The following IMMP2L variants were observed in gnomAD, a reference collection of about 807,000 sequenced individuals.
IMMP2L encodes the protein mitochondrial inner membrane protease subunit 2.
Under a neutral mutation model 19.3 loss-of-function variants are expected in IMMP2L, and 18 were observed. The observed-to-expected ratio is 0.93, with a 90% CI of 0.64 to 1.38. IMMP2L has a LOEUF of 1.38. Among genes scored for constraint, IMMP2L ranks in the 40% most tolerant of loss-of-function variants. The pLI, the probability that IMMP2L is intolerant of heterozygous loss-of-function variation, is 0.00. For missense variants in IMMP2L, 233 were observed against 218.2 expected (o/e 1.07, Z -0.43); for synonymous variants, 76 against 73.0 (o/e 1.04, Z -0.21).
At chr7:111,018,332 A>C (rs113352239) in intron 3 of IMMP2L, among the ~76,000 whole-genome samples, 1 of 152,192 alleles carries the variant, frequency 6.6e-6, no homozygotes, top group Non-Finnish European at 1.5e-5. Context: ...AAGTGTTAAT[A>C]CTGATTGCAA....
intron 2 of IMMP2L, among the ~76,000 whole-genome samples, chr7:111,509,502 C>T (rs1845248909): frequency 6.6e-6 from 1 of 152,100 alleles, no homozygotes; most frequent in Non-Finnish European, 1.5e-5. Context: ...TTCCCTCCAG[C>T]AATAAAGCAG....
chr7:111,178,120 G>T (rs1160717792), intron 3 of IMMP2L, among the ~76,000 whole-genome samples: 1 of 151,908 alleles, frequency 6.6e-6, no homozygotes, highest in African/African-American at 2.4e-5. Context: ...GCGTACCTTG[G>T]AGATATTACA....
chr7:111,087,783 T>A (rs761875771), intron 3 of IMMP2L, among the ~76,000 whole-genome samples: 1 of 152,052 alleles, frequency 6.6e-6, no homozygotes. Context: ...AAATGAGAGA[T>A]TATATCTTGT....
At chr7:111,094,828 G>C (rs889354860) in intron 3 of IMMP2L, among the ~76,000 whole-genome samples, 1 of 152,116 alleles carries the variant, frequency 6.6e-6, no homozygotes, top group African/African-American at 2.4e-5. Context: ...AAAGACAGTA[G>C]CTGGTGCCAG....
intron 5 of IMMP2L, among the ~76,000 whole-genome samples, chr7:110,701,380 T>C (rs1638523216): frequency 6.6e-6 from 1 of 152,192 alleles, no homozygotes; most frequent in Non-Finnish European, 1.5e-5. Context: ...GCTTTACATA[T>C]ATTATCTCAT....
intron 3 of IMMP2L, among the ~76,000 whole-genome samples, chr7:111,234,576 G>A (rs1004160311): frequency 6.6e-6 from 1 of 151,934 alleles, no homozygotes; most frequent in African/African-American, 2.4e-5. Context: ...AATCATGATT[G>A]GATTTGAATC....
At chr7:110,930,232 T>C (rs963716000) in intron 4 of IMMP2L, among the ~76,000 whole-genome samples, 1 of 152,160 alleles carries the variant, frequency 6.6e-6, no homozygotes, top group African/African-American at 2.4e-5. Flanking sequence ...AAGACAGTGA[T>C]CCGCTCCTCC....
At chr7:110,961,683 T>C (rs933866084) in intron 4 of IMMP2L, among the ~76,000 whole-genome samples, 23 of 151,980 alleles carry the variant, frequency 1.5e-4, no homozygotes, top group African/African-American at 5.3e-4. Flanking sequence ...AAGTTGTGAA[T>C]GGATAAACAA....
intron 3 of IMMP2L, among the ~76,000 whole-genome samples, chr7:111,138,141 C>A (rs544597713): frequency 1.6e-4 from 24 of 152,268 alleles, no homozygotes; most frequent in Non-Finnish European, 3.1e-4. Flanking sequence ...TTGTGCTACA[C>A]CTTTGTATAA....
chr7:111,061,663 C>G (rs1190210383), intron 3 of IMMP2L, among the ~76,000 whole-genome samples: 1 of 152,178 alleles, frequency 6.6e-6, no homozygotes, highest in African/African-American at 2.4e-5. Context: ...TCTTCGACTG[C>G]TTTAGCAAAC....
At chr7:111,016,966 T>C (rs986762562) in intron 3 of IMMP2L, among the ~76,000 whole-genome samples, 35 of 122,542 alleles carry the variant, frequency 2.9e-4, no homozygotes, top group Non-Finnish European at 5.3e-4. Context: ...TAATTATATG[T>C]ATAATTATAT....
At chr7:110,847,031 C>T (rs957731150) in intron 5 of IMMP2L, among the ~76,000 whole-genome samples, 7 of 152,132 alleles carry the variant, frequency 4.6e-5, no homozygotes, top group Admixed American at 4.6e-4. Context: ...AACCTTTCAT[C>T]AATATCACAG....
intron 3 of IMMP2L, among the ~76,000 whole-genome samples, chr7:111,265,952 C>T (rs1817786317): frequency 6.6e-6 from 1 of 152,076 alleles, no homozygotes; most frequent in Non-Finnish European, 1.5e-5. Flanking sequence ...TGAGGCCTTC[C>T]CTAACCAATC....
intron 3 of IMMP2L, among the ~76,000 whole-genome samples, chr7:111,015,909 A>G (rs1825463395): frequency 6.6e-6 from 1 of 152,140 alleles, no homozygotes; most frequent in African/African-American, 2.4e-5. Context: ...CCCCACTTCA[A>G]ACACTCTTAA....
rs1044308225 is a variant in IMMP2L, at chr7:110,803,275, G to A, written c.408+83318C>T. Among the ~76,000 whole-genome samples the A allele has an allele frequency of 5.9e-5, 9 of 152,026 alleles. No homozygotes were observed. Among genetic ancestry groups the A allele is most frequent in the African/African-American group, 1.9e-4 (8 of 41,426 alleles). On this transcript the variant is annotated intron_variant, in intron 5 of 5. Coordinates refer to ENST00000405709, the MANE Select transcript of IMMP2L (RefSeq NM_032549.4). The surrounding 1 kb of genome is among the most constrained non-coding windows in gnomAD (Gnocchi z 4.2). ...AGACCAAAGAAGAGAGGGTTAGGAA[G>A]CAGCTGTGAGGTATGAGTTGCAGAG...
intron 3 of IMMP2L, among the ~76,000 whole-genome samples, chr7:111,021,860 G>A (rs1826314447): frequency 6.7e-6 from 1 of 148,980 alleles, no homozygotes; most frequent in African/African-American, 2.5e-5. Flanking sequence ...TCCAGCCTGG[G>A]TGACAGAGTG....
At chr7:111,076,951 A>T (rs1181529990) in intron 3 of IMMP2L, among the ~76,000 whole-genome samples, 1 of 152,166 alleles carries the variant, frequency 6.6e-6, no homozygotes, top group African/African-American at 2.4e-5. Flanking sequence ...GACTCTAGCT[A>T]GACCTCAATA....
intron 3 of IMMP2L, among the ~76,000 whole-genome samples, chr7:111,237,625 A>G (rs1368194816): frequency 6.6e-6 from 1 of 151,964 alleles, no homozygotes; most frequent in African/African-American, 2.4e-5. Flanking sequence ...AAGCATTACT[A>G]TGACTATAAT....
At chr7:111,403,157 G>T (rs2131431159) in intron 3 of IMMP2L, among the ~76,000 whole-genome samples, 1 of 152,110 alleles carries the variant, frequency 6.6e-6, no homozygotes, top group East Asian at 1.9e-4. Context: ...AAGGGACCTG[G>T]TGGGAGGTGA....
Sources: gnomAD v4.1 joint callset for allele counts (sites outside exome capture counted in the v4.1 genomes callset) on GRCh38, gnomAD v4.1.1 for gene constraint, Gnocchi (gnomAD v3.1) non-coding constraint, MANE v1.5 for transcripts, NCBI Gene and HGNC (gene_info 2026-07-23, HGNC 2026-07-21) for gene names.